LRFN5: variants seen among roughly 807,000 people sequenced by gnomAD.
The protein encoded by LRFN5 is leucine-rich repeat and fibronectin type-III domain-containing protein 5.
A neutral mutation model predicts 45.6 loss-of-function variants in LRFN5; 24 were observed. The observed-to-expected ratio is 0.53, with a 90% CI of 0.38 to 0.74. The LOEUF (loss-of-function observed/expected upper bound fraction) is 0.74. Ranked by LOEUF, LRFN5 falls within the 30% of genes least tolerant of loss-of-function variation. The pLI is 0.00. For synonymous variants in LRFN5, 340 were observed against 313.8 expected (o/e 1.08, Z -0.88); for missense variants, 776 against 861.5 (o/e 0.90, Z 1.24).
chr14:41,789,962 C>T (rs1886861605), intron 2 of LRFN5, among the ~76,000 whole-genome samples: 2 of 151,794 alleles, frequency 1.3e-5, no homozygotes, highest in Admixed American at 6.6e-5. Flanking sequence ...TCATAAAATG[C>T]ATTGGGGACT....
chr14:41,901,680 T>G (rs1243053143), intron 5 of LRFN5, among the ~76,000 whole-genome samples: 1 of 152,020 alleles, frequency 6.6e-6, no homozygotes, highest in Non-Finnish European at 1.5e-5. Flanking sequence ...TATGAATACA[T>G]AACAACACTG....
intron 4 of LRFN5, chr14:41,892,593 T>C (rs1201283482): frequency 1.0e-6 from 1 of 981,686 alleles, no homozygotes; most frequent in Non-Finnish European, 1.2e-6. Flanking sequence ...CCTTTGTTTT[T>C]AGGGAAATGT....
chr14:41,650,379 A>G (rs1880053707), intron 1 of LRFN5, among the ~76,000 whole-genome samples: 1 of 152,124 alleles, frequency 6.6e-6, no homozygotes, highest in Non-Finnish European at 1.5e-5. Context: ...GTGATTTGTA[A>G]TAGGTGAAAT....
chr14:41,875,974 C>G (rs377760467), intron 2 of LRFN5, among the ~76,000 whole-genome samples: 3 of 152,148 alleles, frequency 2.0e-5, no homozygotes, highest in African/African-American at 7.2e-5. Context: ...TCCCTGTAAG[C>G]TCCTAAATCT....
chr14:41,809,857 C>A (rs887079979), intron 2 of LRFN5, among the ~76,000 whole-genome samples: 4 of 151,730 alleles, frequency 2.6e-5, no homozygotes, highest in African/African-American at 9.7e-5. Context: ...GATTTGAGTC[C>A]TTTCCAGATA....
intron 1 of LRFN5, among the ~76,000 whole-genome samples, chr14:41,740,492 T>G (rs1566646502): frequency 6.6e-6 from 1 of 152,010 alleles, no homozygotes; most frequent in Non-Finnish European, 1.5e-5. Flanking sequence ...AACATTTGAC[T>G]ACATTTAACA....
intron 1 of LRFN5, among the ~76,000 whole-genome samples, chr14:41,734,658 C>T (rs1884348150): frequency 6.6e-6 from 1 of 151,350 alleles, no homozygotes; most frequent in Non-Finnish European, 1.5e-5. Context: ...AATTCATTTA[C>T]ATTCAAAGTA....
At chr14:41,808,030 T>C (rs1264568241) in intron 2 of LRFN5, among the ~76,000 whole-genome samples, 10 of 150,986 alleles carry the variant, frequency 6.6e-5, no homozygotes, top group Non-Finnish European at 1.5e-4. Flanking sequence ...TACCTTAATA[T>C]CCTACAGTGC....
chr14:41,652,355 CATT>C (rs1880168972), intron 1 of LRFN5, among the ~76,000 whole-genome samples: 1 of 151,990 alleles, frequency 6.6e-6, no homozygotes, highest in African/African-American at 2.4e-5. Context: ...GATATGCAAT[CATT>C]GTTAAATCAA....
At chr14:41,702,306 A>G (rs2138727056) in intron 1 of LRFN5, among the ~76,000 whole-genome samples, 1 of 152,314 alleles carries the variant, frequency 6.6e-6, no homozygotes, top group South Asian at 2.1e-4. Flanking sequence ...GAAGCGACAT[A>G]CAAGGATGCT....
intron 2 of LRFN5, among the ~76,000 whole-genome samples, chr14:41,824,961 T>A (rs1408537751): frequency 6.6e-6 from 1 of 152,182 alleles, no homozygotes; most frequent in Non-Finnish European, 1.5e-5. Flanking sequence ...CCTGACTCTC[T>A]GTTCAGAGAG....
intron 1 of LRFN5, among the ~76,000 whole-genome samples, chr14:41,672,090 A>G (rs1257370534): frequency 6.6e-6 from 1 of 152,218 alleles, no homozygotes. Context: ...CTTAGGGCAC[A>G]TATTCCTTTC....
intron 2 of LRFN5, among the ~76,000 whole-genome samples, chr14:41,781,550 AAAAGAAAGAG>A (rs1566436782): frequency 1.5e-5 from 2 of 133,850 alleles, no homozygotes; most frequent in Admixed American, 8.0e-5. Flanking sequence ...AAGGAAGGAG[AAAAGAAAGAG>A]AAAGAAAGAA....
intron 2 of LRFN5, among the ~76,000 whole-genome samples, chr14:41,876,186 G>A (rs1248247628): frequency 6.6e-6 from 1 of 150,616 alleles, no homozygotes; most frequent in Non-Finnish European, 1.5e-5. Flanking sequence ...TAATATAATT[G>A]TTCTCTATTC....
chr14:41,854,317 A>T (rs1889376765), intron 2 of LRFN5, among the ~76,000 whole-genome samples: 1 of 141,692 alleles, frequency 7.1e-6, no homozygotes, highest in African/African-American at 2.8e-5. Context: ...TTATGGCTGC[A>T]TAGTATTCCA....
intron 1 of LRFN5, among the ~76,000 whole-genome samples, chr14:41,661,965 C>T (rs1272924216): frequency 6.6e-6 from 1 of 151,990 alleles, no homozygotes. Flanking sequence ...CTACTTGTTT[C>T]AGCAGAGGGC....
intron 1 of LRFN5, among the ~76,000 whole-genome samples, chr14:41,673,245 G>A (rs1017965390): frequency 1.1e-4 from 17 of 152,066 alleles, no homozygotes; most frequent in African/African-American, 3.9e-4. Flanking sequence ...CCTCCCAGAC[G>A]GGGTGGTGGC....
intron 2 of LRFN5, among the ~76,000 whole-genome samples, chr14:41,789,473 C>A (rs944916541): frequency 5.9e-5 from 9 of 151,948 alleles, no homozygotes; most frequent in Non-Finnish European, 1.0e-4. Flanking sequence ...GAATACAGAC[C>A]TAAATGTCAG....
chr14:41,671,617 G>GTTTTTTTTTTTTTCTTTTTTTTTTTTT (rs1881226324), intron 1 of LRFN5, among the ~76,000 whole-genome samples: 1 of 78,016 alleles, frequency 1.3e-5, no homozygotes, highest in African/African-American at 5.4e-5. Context: ...TTTTTTTTTC[G>GTTTTTTTTTTTTTCTTTTTTTTTTTTT]TTTTTTTTTT....
Sources: gnomAD v4.1 joint callset for allele counts (sites outside exome capture counted in the v4.1 genomes callset) on GRCh38, gnomAD v4.1.1 for gene constraint, MANE v1.5 for transcripts, NCBI Gene and HGNC (gene_info 2026-07-23, HGNC 2026-07-21) for gene names.